KCNIP4: variants seen among roughly 807,000 people sequenced by gnomAD.
KCNIP4 encodes the protein Kv channel-interacting protein 4.
Under a neutral mutation model 34.0 loss-of-function variants are expected in KCNIP4, and 12 were observed. The ratio of observed to expected loss-of-function variants is 0.35; its 90% CI spans 0.23 to 0.57. The LOEUF (loss-of-function observed/expected upper bound fraction) is 0.57. KCNIP4 is among the 20% of genes least tolerant of loss of function. The pLI is 0.83. For synonymous variants in KCNIP4, 124 were observed against 102.2 expected (o/e 1.21, Z -1.29); for missense variants, 238 against 311.7 (o/e 0.76, Z 1.78).
intron 1 of KCNIP4, among the ~76,000 whole-genome samples, chr4:21,708,412 TG>T (rs1427813074): frequency 6.6e-6 from 1 of 152,104 alleles, no homozygotes; most frequent in Non-Finnish European, 1.5e-5. Flanking sequence ...TTTCTAAGTA[TG>T]GGGTGAAGAG....
At chr4:21,895,243 G>A (rs1281081514) in intron 1 of KCNIP4, among the ~76,000 whole-genome samples, 1 of 152,124 alleles carries the variant, frequency 6.6e-6, no homozygotes, top group Non-Finnish European at 1.5e-5. Flanking sequence ...AGAAAGATGA[G>A]CTTACTTTTG....
chr4:21,501,715 T>TGTGTGTGTGTGTGTGTGTGTGTGTGC (rs569245544), intron 1 of KCNIP4, among the ~76,000 whole-genome samples: 6 of 150,732 alleles, frequency 4.0e-5, no homozygotes, highest in East Asian at 4.0e-4. Flanking sequence ...TGTGTGTGTG[T>TGTGTGTGTGTGTGTGTGTGTGTGTGC]GCGTTGGAAG....
At chr4:21,172,403 A>T (rs1754079694) in intron 1 of KCNIP4, among the ~76,000 whole-genome samples, 1 of 152,196 alleles carries the variant, frequency 6.6e-6, no homozygotes, top group African/African-American at 2.4e-5. Flanking sequence ...AAGTAACCTT[A>T]TTTTACAGAG....
intron 1 of KCNIP4, among the ~76,000 whole-genome samples, chr4:21,518,659 A>G (rs1309468671): frequency 1.3e-5 from 2 of 152,106 alleles, no homozygotes; most frequent in Non-Finnish European, 2.9e-5. Context: ...TTTCATCTGT[A>G]TCAGGAATGG....
At chr4:21,166,590 A>G (rs748208591) in intron 1 of KCNIP4, among the ~76,000 whole-genome samples, 11 of 152,214 alleles carry the variant, frequency 7.2e-5, no homozygotes, top group Non-Finnish European at 8.8e-5. Flanking sequence ...ACAAATATTC[A>G]TAACAGCATT....
Position 21,456,552 on chromosome 4 carries a change from G to A in KCNIP4, c.61+492019C>T, listed in dbSNP as rs942886138. ...TAGTAATTATATCCATAAAGTCCAA[G>A]ACGTAGTGAACTTATTTCATAATTT... On this transcript the variant is annotated intron_variant, in intron 1 of 8. Transcript: ENST00000382152. Among the ~76,000 whole-genome samples, 3 of 148,050 alleles carry A rather than the reference G, an allele frequency of 2.0e-5. 1 individual carries two copies. Among genetic ancestry groups the A allele is most frequent in the African/African-American group, 7.9e-5 (3 of 38,166 alleles).
intron 3 of KCNIP4, among the ~76,000 whole-genome samples, chr4:20,834,337 A>C (rs905112875): frequency 6.6e-6 from 1 of 152,196 alleles, no homozygotes; most frequent in Non-Finnish European, 1.5e-5. Context: ...AGAAGCAACT[A>C]TGTGCCAGGA....
chr4:21,042,119 G>C (rs1469907120), intron 1 of KCNIP4, among the ~76,000 whole-genome samples: 2 of 152,124 alleles, frequency 1.3e-5, no homozygotes, highest in Non-Finnish European at 2.9e-5. Context: ...TGTGAGATGG[G>C]AGCCGCCTTA....
chr4:21,736,420 A>T lies in KCNIP4; in HGVS notation c.61+212151T>A, dbSNP rs562359976. ...AACATCTTTAAAATATCCTCGTGAC[A>T]CACAGAATAAATCTATACAATTTAG... On this transcript the variant is annotated intron_variant, in intron 1 of 8. Coordinates refer to ENST00000382152, the MANE Select transcript of KCNIP4 (RefSeq NM_025221.6). 8.7e-4 allele frequency among the ~76,000 whole-genome samples: 133 copies of T among 152,322 alleles called. 1 individual carries two copies. Among genetic ancestry groups the T allele is most frequent in the Admixed American group, 4.1e-3 (63 of 15,292 alleles).
intron 1 of KCNIP4, among the ~76,000 whole-genome samples, chr4:21,501,678 T>C (rs1046501302): frequency 4.8e-5 from 3 of 62,956 alleles, no homozygotes; most frequent in African/African-American, 2.2e-4. Flanking sequence ...ATTTTGGGAA[T>C]GCAGAAGCCT....
At chr4:21,587,321 GA>G (rs923288719) in intron 1 of KCNIP4, among the ~76,000 whole-genome samples, 34 of 151,998 alleles carry the variant, frequency 2.2e-4, no homozygotes, top group Non-Finnish European at 1.2e-4. Flanking sequence ...GAAGCTACTG[GA>G]AAAATCACAA....
At chr4:21,356,393 G>A (rs1264510230) in intron 1 of KCNIP4, among the ~76,000 whole-genome samples, 2 of 152,082 alleles carry the variant, frequency 1.3e-5, no homozygotes, top group Admixed American at 6.6e-5. Context: ...GTTTGCAGAT[G>A]CACGATTGCA....
chr4:21,883,342 C>T (rs979634786), intron 1 of KCNIP4, among the ~76,000 whole-genome samples: 1 of 151,744 alleles, frequency 6.6e-6, no homozygotes, highest in South Asian at 2.1e-4. Flanking sequence ...TAGAAACGAG[C>T]GCTTACTAGT....
intron 1 of KCNIP4, among the ~76,000 whole-genome samples, chr4:21,501,854 A>G (rs879670642): frequency 1.3e-5 from 2 of 151,998 alleles, no homozygotes; most frequent in African/African-American, 4.8e-5. Flanking sequence ...TATCTGGTTC[A>G]AATTTCCCCT....
chr4:20,841,374 G>A (rs1239508230), intron 3 of KCNIP4, among the ~76,000 whole-genome samples: 1 of 152,124 alleles, frequency 6.6e-6, no homozygotes, highest in Non-Finnish European at 1.5e-5. Flanking sequence ...TAGGGGAGGA[G>A]TCCACAAGCA....
chr4:20,796,780 T>C (rs889557677), intron 3 of KCNIP4, among the ~76,000 whole-genome samples: 1 of 152,126 alleles, frequency 6.6e-6, no homozygotes, highest in African/African-American at 2.4e-5. Context: ...ATAGGTACAA[T>C]GAATAGTAAT....
chr4:21,924,209 A>G (rs949079554), intron 1 of KCNIP4, among the ~76,000 whole-genome samples: 1 of 151,994 alleles, frequency 6.6e-6, no homozygotes, highest in Non-Finnish European at 1.5e-5. Flanking sequence ...GTTTTTGTAC[A>G]TAAGGAGGAC....
intron 1 of KCNIP4, among the ~76,000 whole-genome samples, chr4:21,835,579 GT>G (rs34020521): frequency 0.55 from 58,239 of 106,014 alleles, 12,654 homozygotes; most frequent in Non-Finnish European, 0.66. Flanking sequence ...GTTTTCTTAC[GT>G]TTTTTTTTGT....
chr4:21,834,500 A>G (rs944232865), intron 1 of KCNIP4, among the ~76,000 whole-genome samples: 1 of 151,826 alleles, frequency 6.6e-6, no homozygotes, highest in Admixed American at 6.6e-5. Flanking sequence ...GGGCTGAGAC[A>G]GTGGGGTTTT....
Sources: allele counts gnomAD v4.1 joint callset (sites outside exome capture counted in the v4.1 genomes callset), GRCh38; gene constraint gnomAD v4.1.1; transcripts MANE v1.5; gene names NCBI Gene and HGNC (gene_info 2026-07-23, HGNC 2026-07-21).